CHLSN: variants seen among roughly 807,000 people sequenced by gnomAD.
CHLSN encodes cholesin, also known as protein cholesin.
At chr7:1,002,346 TG>T in the CHLSN span, among the ~76,000 whole-genome samples, 1 of 102,794 alleles carries the variant, frequency 9.7e-6, no homozygotes, top group African/African-American at 3.9e-5. Context: ...GCCCTGTGGG[TG>T]GGGAGTCCTG....
chr7:1,082,698 T>A, the CHLSN span, among the ~76,000 whole-genome samples: 1 of 152,172 alleles, frequency 6.6e-6, no homozygotes, highest in African/African-American at 2.4e-5. Context: ...AGGTGCTGCA[T>A]GATCCTGGTC....
At chr7:1,063,600 C>T in the CHLSN span, among the ~76,000 whole-genome samples, 5 of 152,186 alleles carry the variant, frequency 3.3e-5, no homozygotes, top group East Asian at 1.9e-4. Flanking sequence ...GGGCACTCCT[C>T]GGGCAGACAC....
the CHLSN span, among the ~76,000 whole-genome samples, chr7:999,547 C>A: frequency 6.6e-6 from 1 of 152,084 alleles, no homozygotes; most frequent in African/African-American, 2.4e-5. Flanking sequence ...TGCACTCCAG[C>A]CTGGGCGGGG....
the CHLSN span, among the ~76,000 whole-genome samples, chr7:1,036,058 G>A: frequency 6.6e-6 from 1 of 152,210 alleles, no homozygotes; most frequent in Non-Finnish European, 1.5e-5. Context: ...TTCTGGAACA[G>A]GTAGCACCAT....
chr7:1,079,246 A>T, the CHLSN span, among the ~76,000 whole-genome samples: 1 of 152,318 alleles, frequency 6.6e-6, no homozygotes, highest in Admixed American at 6.5e-5. Context: ...GAGGCTGCGG[A>T]GGGGCGGCCA....
chr7:1,041,434 G>A, the CHLSN span, among the ~76,000 whole-genome samples: 12 of 148,404 alleles, frequency 8.1e-5, no homozygotes, highest in African/African-American at 3.0e-4. Flanking sequence ...CCGCGCTGCG[G>A]GGAAGGGGAC....
At chr7:990,874 A>G in the CHLSN span, among the ~76,000 whole-genome samples, 18 of 152,092 alleles carry the variant, frequency 1.2e-4, no homozygotes, top group African/African-American at 4.1e-4. Flanking sequence ...AGGGTGCGGA[A>G]CATTCCAGGG....
At chr7:1,120,155 C>T in the CHLSN span, among the ~76,000 whole-genome samples, 2 of 151,908 alleles carry the variant, frequency 1.3e-5, no homozygotes, top group African/African-American at 2.4e-5. Context: ...AAAAATTATA[C>T]CTCAATAAAA....
the CHLSN span, chr7:989,174 C>T: frequency 3.0e-3 from 912 of 299,302 alleles, 8 homozygotes; most frequent in African/African-American, 0.018. Flanking sequence ...AGGGAGACAA[C>T]GGGTGGCTGC....
At chr7:1,100,902 A>T in the CHLSN span, among the ~76,000 whole-genome samples, 1 of 152,200 alleles carries the variant, frequency 6.6e-6, no homozygotes, top group Non-Finnish European at 1.5e-5. Flanking sequence ...AGGGGCAGAG[A>T]TGGGAGAGGC....
the CHLSN span, among the ~76,000 whole-genome samples, chr7:1,101,528 G>T: frequency 6.6e-6 from 1 of 152,332 alleles, no homozygotes; most frequent in East Asian, 1.9e-4. Flanking sequence ...TCCTGCTCCC[G>T]CCCCTTCCCC....
the CHLSN span, among the ~76,000 whole-genome samples, chr7:996,367 C>T: frequency 6.6e-6 from 1 of 152,214 alleles, no homozygotes; most frequent in African/African-American, 2.4e-5. Context: ...GCGGGGCACC[C>T]AAGGGGGCAC....
the CHLSN span, among the ~76,000 whole-genome samples, chr7:1,037,103 CCT>C: frequency 6.8e-6 from 1 of 146,784 alleles, no homozygotes; most frequent in Non-Finnish European, 1.5e-5. Flanking sequence ...AGAGTGAGAC[CCT>C]GTCTCAAAAA....
the CHLSN span, among the ~76,000 whole-genome samples, chr7:1,042,637 G>C: frequency 2.0e-5 from 3 of 152,162 alleles, no homozygotes; most frequent in Non-Finnish European, 4.4e-5. Flanking sequence ...AGATAAGGCG[G>C]TCTGCAGTGA....
the CHLSN span, among the ~76,000 whole-genome samples, chr7:1,085,985 T>C: frequency 6.6e-6 from 1 of 152,238 alleles, no homozygotes; most frequent in Non-Finnish European, 1.5e-5. Context: ...CATCAGTAGC[T>C]GTACAGTACA....
the CHLSN span, among the ~76,000 whole-genome samples, chr7:1,094,177 C>A: frequency 6.6e-6 from 1 of 152,208 alleles, no homozygotes; most frequent in Non-Finnish European, 1.5e-5. Context: ...CTGGAGCAGC[C>A]GGCCGGGAAG....
the CHLSN span, among the ~76,000 whole-genome samples, chr7:1,070,946 CACACACAGCACAG>C: frequency 6.7e-6 from 1 of 148,366 alleles, no homozygotes; most frequent in African/African-American, 2.5e-5. Flanking sequence ...CACATGCACA[CACACACAGCACAG>C]ACACGCACAC....
the CHLSN span, among the ~76,000 whole-genome samples, chr7:1,005,299 A>C: frequency 3.3e-5 from 5 of 152,316 alleles, no homozygotes; most frequent in South Asian, 2.1e-4. Context: ...CAAAACAAAC[A>C]AATCAACCCA....
chr7:1,073,375 C>T, the CHLSN span, among the ~76,000 whole-genome samples: 1 of 152,118 alleles, frequency 6.6e-6, no homozygotes, highest in Admixed American at 6.5e-5. Context: ...CAGCTACTCC[C>T]CGCGCAGGCA....
Sources: gnomAD v4.1 joint callset for allele counts (sites outside exome capture counted in the v4.1 genomes callset) on GRCh38, gnomAD v4.1.1 for gene constraint, MANE v1.5 for transcripts, NCBI Gene and HGNC (gene_info 2026-07-23, HGNC 2026-07-21) for gene names.